PRKD1: variants seen among roughly 807,000 people sequenced by gnomAD.
PRKD1 encodes the protein serine/threonine-protein kinase D1.
A neutral mutation model predicts 95.9 loss-of-function variants in PRKD1; 63 were observed. The ratio of observed to expected loss-of-function variants is 0.66; its 90% CI spans 0.54 to 0.81. The LOEUF (loss-of-function observed/expected upper bound fraction) is 0.81. PRKD1 is among the 30% of genes least tolerant of loss of function. PRKD1 has a pLI of 0.00. For synonymous variants in PRKD1, 425 were observed against 423.1 expected (o/e 1.00, Z -0.05); for missense variants, 1,048 against 1,165.3 (o/e 0.90, Z 1.47).
At chr14:29,618,022 C>T (rs1275368941) in intron 13 of PRKD1, among the ~76,000 whole-genome samples, 3 of 152,098 alleles carry the variant, frequency 2.0e-5, no homozygotes, top group Non-Finnish European at 4.4e-5. Flanking sequence ...GAGCTGTGAT[C>T]ACGCCACTGC....
chr14:29,854,243 T>C (rs1389123576), intron 1 of PRKD1, among the ~76,000 whole-genome samples: 1 of 152,164 alleles, frequency 6.6e-6, no homozygotes, highest in Non-Finnish European at 1.5e-5. Flanking sequence ...GTGGGAAAGT[T>C]TGGAACTTCC....
intron 1 of PRKD1, among the ~76,000 whole-genome samples, chr14:29,750,616 G>GCGCGCACA (rs72239992): frequency 0.022 from 3,221 of 148,444 alleles, 75 homozygotes; most frequent in African/African-American, 0.059. Flanking sequence ...ATGAACGCGC[G>GCGCGCACA]CACACACACA....
At chr14:29,678,499 T>G (rs1422107509) in intron 2 of PRKD1, among the ~76,000 whole-genome samples, 3 of 152,210 alleles carry the variant, frequency 2.0e-5, no homozygotes, top group Non-Finnish European at 4.4e-5. Context: ...AAACAGTTTC[T>G]GCTTGTGTTT....
chr14:29,721,725 G>A (rs1885906758), intron 2 of PRKD1, among the ~76,000 whole-genome samples: 1 of 151,984 alleles, frequency 6.6e-6, no homozygotes, highest in Admixed American at 6.6e-5. Context: ...CTTAACAATA[G>A]TAAGAATGCT....
At chr14:29,695,385 C>T (rs1283610114) in intron 2 of PRKD1, among the ~76,000 whole-genome samples, 1 of 152,132 alleles carries the variant, frequency 6.6e-6, no homozygotes, top group Non-Finnish European at 1.5e-5. Context: ...TGCTTGATGG[C>T]AAGGGCAGAG....
At chr14:29,636,160 AGTTC>A in intron 7 of PRKD1, 126 bp downstream of exon 7, 1 of 1,100,084 alleles carries the variant, frequency 9.1e-7, no homozygotes. Context: ...TACAGCACGC[AGTTC>A]ATTCATATAA....
chr14:29,803,757 C>G (rs1372462039), intron 1 of PRKD1, among the ~76,000 whole-genome samples: 1 of 152,130 alleles, frequency 6.6e-6, no homozygotes, highest in African/African-American at 2.4e-5. Flanking sequence ...ATATGCTGTT[C>G]TATAACTTTT....
Position 29,638,967 on chromosome 14 carries a change from A to G in PRKD1, c.697-63T>C, listed in dbSNP as rs1880574743. 26 of 1,224,924 alleles carry G rather than the reference A, an allele frequency of 2.1e-5. No individual in the cohort carries two copies. The South Asian group carries it at 2.9e-4, about 14-fold the overall frequency. 75.9% of individuals were successfully genotyped at this position (1,224,924 alleles called of 1,614,324 possible). ...GAGGCTATTTGATTTATATATTTAT[A>G]TATTTTAAGATACCGGTTTACTCTT... On this transcript the variant is annotated intron_variant, in intron 4 of 17. Transcript: ENST00000331968.
chr14:29,927,542 G>A lies in PRKD1; in HGVS notation c.-30C>T, dbSNP rs1895355771. Reference sequence around the variant, plus strand: ...CGGCGGGGCGCAGGGCCGGGCAGCGGAGGGCGGGGGCTGGCGGCGCGGCAG... The same window carrying A: ...CGGCGGGGCGCAGGGCCGGGCAGCGAAGGGCGGGGGCTGGCGGCGCGGCAG... On this transcript the variant is annotated 5_prime_UTR_variant, in exon 1 of 18. Coordinates refer to ENST00000331968, the MANE Select transcript of PRKD1 (RefSeq NM_002742.3). The A allele has an allele frequency of 1.7e-6, 2 of 1,147,186 alleles. No homozygotes were observed. The highest frequency in any genetic ancestry group is 4.2e-5 in the South Asian group (1 of 23,602). 71.1% of individuals were successfully genotyped at this position (1,147,186 alleles called of 1,614,324 possible).
intron 1 of PRKD1, among the ~76,000 whole-genome samples, chr14:29,880,190 G>A (rs560978362): frequency 3.3e-5 from 5 of 152,314 alleles, no homozygotes; most frequent in African/African-American, 7.2e-5. Context: ...CACTGGCCCA[G>A]GGGCCCAGGA....
chr14:29,819,274 C>A (rs187089823), intron 1 of PRKD1, among the ~76,000 whole-genome samples: 22 of 151,736 alleles, frequency 1.4e-4, no homozygotes, highest in African/African-American at 4.1e-4. Context: ...TAAAACAATA[C>A]CTGATCCTTA....
intron 16 of PRKD1, among the ~76,000 whole-genome samples, chr14:29,585,330 T>C (rs1043841997): frequency 7.9e-5 from 12 of 152,170 alleles, no homozygotes; most frequent in African/African-American, 2.9e-4. Flanking sequence ...AGTCAATTAC[T>C]GGAATCCAAT....
At chr14:29,620,862 A>C (rs1006164284) in intron 13 of PRKD1, among the ~76,000 whole-genome samples, 5 of 151,742 alleles carry the variant, frequency 3.3e-5, no homozygotes, top group Non-Finnish European at 7.4e-5. Context: ...TGCTGCTATA[A>C]AGACACATGC....
chr14:29,776,971 G>A (rs539306442), intron 1 of PRKD1, among the ~76,000 whole-genome samples: 1 of 152,226 alleles, frequency 6.6e-6, no homozygotes, highest in Non-Finnish European at 1.5e-5. Context: ...CAAGCCAGAA[G>A]AGAGTGGGGG....
rs147308040 is a variant in PRKD1, at chr14:29,676,177, G to GTTTTTTTTTTTTTTTTTTTTT, written c.404-9970_404-9969insAAAAAAAAAAAAAAAAAAAAA. 9.7e-4 allele frequency among the ~76,000 whole-genome samples: 102 copies of GTTTTTTTTTTTTTTTTTTTTT among 104,678 alleles called. 9 individuals are homozygous for GTTTTTTTTTTTTTTTTTTTTT. Among genetic ancestry groups the GTTTTTTTTTTTTTTTTTTTTT allele is most frequent in the African/African-American group, 1.8e-3 (42 of 23,860 alleles). The allele number at this position is 104,678 out of a possible 152,430, so 68.7% of individuals were successfully genotyped here. A position where few individuals can be genotyped will look rare whatever the true frequency, so the allele number is the denominator to read the frequency against. ...GCTGTAGGCATGCATAGTTCATTACGTTTTTGTTTTTTTTTTTTTTTTTTT... is the reference window on the plus strand; with the variant it reads ...GCTGTAGGCATGCATAGTTCATTACGTTTTTTTTTTTTTTTTTTTTTTTTTTGTTTTTTTTTTTTTTTTTTT... On this transcript the variant is annotated intron_variant, in intron 2 of 17. Transcript: ENST00000331968.
At chr14:29,852,221 C>T (rs1444764299) in intron 1 of PRKD1, among the ~76,000 whole-genome samples, 1 of 151,876 alleles carries the variant, frequency 6.6e-6, no homozygotes, top group Admixed American at 6.6e-5. Flanking sequence ...TATTATACCC[C>T]TTGAATCTAA....
chr14:29,796,992 T>C (rs1713921012), intron 1 of PRKD1, among the ~76,000 whole-genome samples: 1 of 152,174 alleles, frequency 6.6e-6, no homozygotes, highest in African/African-American at 2.4e-5. Context: ...AGTTCCTAGA[T>C]AACATACAAC....
intron 2 of PRKD1, among the ~76,000 whole-genome samples, chr14:29,697,698 T>A (rs150777236): frequency 1.3e-5 from 2 of 152,254 alleles, no homozygotes; most frequent in East Asian, 3.9e-4. Context: ...CTTTAGTTCC[T>A]TTTCATTTTT....
intron 4 of PRKD1, among the ~76,000 whole-genome samples, chr14:29,659,500 T>A (rs58579791): frequency 0.036 from 5,511 of 152,254 alleles, 287 homozygotes; most frequent in African/African-American, 0.12. Flanking sequence ...AGAACTGATG[T>A]GTCACACCAT....
Sources: gnomAD v4.1 joint callset for allele counts (sites outside exome capture counted in the v4.1 genomes callset) on GRCh38, gnomAD v4.1.1 for gene constraint, MANE v1.5 for transcripts, NCBI Gene and HGNC (gene_info 2026-07-23, HGNC 2026-07-21) for gene names.